Variants in ABHD17B observed in about 807,000 individuals in gnomAD.
ABHD17B encodes the protein abhydrolase domain containing 17B, depalmitoylase.
Under a neutral mutation model 26.2 loss-of-function variants are expected in ABHD17B, and 9 were observed. The observed-to-expected ratio is 0.34, with a 90% CI of 0.21 to 0.60. ABHD17B has a LOEUF of 0.60. ABHD17B is among the 20% of genes least tolerant of loss of function. ABHD17B has a pLI of 0.80. For missense variants in ABHD17B, 224 were observed against 352.1 expected (o/e 0.64, Z 2.91); for synonymous variants, 127 against 122.3 (o/e 1.04, Z -0.25).
intron 1 of ABHD17B, among the ~76,000 whole-genome samples, chr9:71,892,948 T>A (rs1826836527): frequency 6.6e-6 from 1 of 152,196 alleles, no homozygotes; most frequent in South Asian, 2.1e-4. Context: ...CATTTTCTTC[T>A]CCTGCCAGCC....
chr9:71,867,045 A>C (rs1435671431), intron 3 of ABHD17B, 39 bp from the exon 4 acceptor site: 1 of 1,599,362 alleles, frequency 6.3e-7, no homozygotes, highest in Non-Finnish European at 8.5e-7. Flanking sequence ...GCAATAAATT[A>C]ACTATGTAAA....
intron 1 of ABHD17B, among the ~76,000 whole-genome samples, chr9:71,906,227 G>A (rs1827278620): frequency 6.6e-6 from 1 of 152,162 alleles, no homozygotes; most frequent in Non-Finnish European, 1.5e-5. Context: ...TTTTAACATA[G>A]ATGATTTGTT....
At chr9:71,892,997 T>G (rs1826838088) in intron 1 of ABHD17B, among the ~76,000 whole-genome samples, 1 of 152,216 alleles carries the variant, frequency 6.6e-6, no homozygotes, top group African/African-American at 2.4e-5. Flanking sequence ...ATTTGACTAT[T>G]CTAAGTACCT....
In ABHD17B at chr9:71,870,493, T is replaced by C. The variant is rs188117400; in HGVS notation, c.468-231A>G. Among the ~76,000 whole-genome samples, 161 of 152,338 alleles carry C rather than the reference T, an allele frequency of 1.1e-3. 1 individual carries two copies. The highest frequency in any genetic ancestry group is 1.3e-3 in the Non-Finnish European group (91 of 68,030). On this transcript the variant is annotated intron_variant, in intron 2 of 3. Transcript: ENST00000333421. ...TTTTGGAAGAATAATTGCTGAGGTA[T>C]TTTAAGATTTCAATCTTAAGAAATA...
chr9:71,906,333 A>G (rs1267912468), intron 1 of ABHD17B, among the ~76,000 whole-genome samples: 1 of 152,208 alleles, frequency 6.6e-6, no homozygotes, highest in Non-Finnish European at 1.5e-5. Flanking sequence ...ATCATTTTCC[A>G]CTTTTCCACC....
At chr9:71,888,168 C>T (rs1826668824) in intron 1 of ABHD17B, among the ~76,000 whole-genome samples, 1 of 152,166 alleles carries the variant, frequency 6.6e-6, no homozygotes, top group South Asian at 2.1e-4. Flanking sequence ...ACTGATGGAG[C>T]AGTAAAATAG....
chr9:71,904,321 A>T (rs994685830), intron 1 of ABHD17B, among the ~76,000 whole-genome samples: 119 of 152,310 alleles, frequency 7.8e-4, no homozygotes, highest in African/African-American at 2.7e-3. Context: ...ACTGGTACCC[A>T]GTGAACACTG....
At chr9:71,899,859 G>GA (rs5898240) in intron 1 of ABHD17B, among the ~76,000 whole-genome samples, 130,567 of 149,392 alleles carry the variant, frequency 0.87, 57,079 homozygotes, top group East Asian at 0.93. Flanking sequence ...GTCCTTACAG[G>GA]AAAAAAAAAA....
intron 2 of ABHD17B, among the ~76,000 whole-genome samples, 187 bp from the exon 3 acceptor site, chr9:71,870,449 T>C (rs1042320142): frequency 2.0e-5 from 3 of 151,816 alleles, no homozygotes; most frequent in Non-Finnish European, 4.4e-5. Flanking sequence ...GTTTATTTCA[T>C]GTGTTTCTCT....
chr9:71,869,103 A>G (rs1404645815), intron 3 of ABHD17B, among the ~76,000 whole-genome samples: 1 of 152,204 alleles, frequency 6.6e-6, no homozygotes, highest in Admixed American at 6.5e-5. Context: ...ATACATCCCT[A>G]TCATTTTTAC....
chr9:71,874,450 A>G (rs1826201536), intron 2 of ABHD17B, among the ~76,000 whole-genome samples, 164 bp downstream of exon 2: 2 of 152,256 alleles, frequency 1.3e-5, no homozygotes, highest in African/African-American at 4.8e-5. Context: ...ATTATGTGAA[A>G]TTTAAAATTG....
rs551578465 is a variant in ABHD17B at position 71,901,252 on chromosome 9, T to C, written c.-4+9382A>G. Among the ~76,000 whole-genome samples the C allele has an allele frequency of 2.6e-5, 4 of 152,270 alleles. No homozygotes were observed. In the South Asian group the frequency reaches 6.2e-4, roughly 24 times the overall value. ...GTTTTTTTTGTTTGTTTTTTGTTTT[T>C]CTTTTTTCAGAATCAAACCTCTTTA... On this transcript the variant is annotated intron_variant, in intron 1 of 3. Coordinates refer to ENST00000333421, the MANE Select transcript of ABHD17B (RefSeq NM_001025780.3).
At chr9:71,880,764 A>T (rs958296138) in intron 1 of ABHD17B, among the ~76,000 whole-genome samples, 5 of 152,220 alleles carry the variant, frequency 3.3e-5, no homozygotes, top group Middle Eastern at 3.4e-3. Flanking sequence ...ACCTTTATGC[A>T]GAAAAATTTT....
At chr9:71,869,938 T>C (rs1826062806) in intron 3 of ABHD17B, 145 bp downstream of exon 3, 3 of 773,308 alleles carry the variant, frequency 3.9e-6, no homozygotes, top group Non-Finnish European at 5.9e-6. Flanking sequence ...AATACCCTCT[T>C]TACAAATTAA....
chr9:71,868,888 C>T (rs1238305080), intron 3 of ABHD17B, among the ~76,000 whole-genome samples: 3 of 152,062 alleles, frequency 2.0e-5, no homozygotes, highest in South Asian at 2.1e-4. Flanking sequence ...GGGGTTTCAC[C>T]ATGTTGGCCA....
chr9:71,864,994 G>T (rs1370452535), downstream of ABHD17B, among the ~76,000 whole-genome samples: 1 of 152,086 alleles, frequency 6.6e-6, no homozygotes. Flanking sequence ...AAACTGTATA[G>T]GTTACAAGAC....
intron 1 of ABHD17B, among the ~76,000 whole-genome samples, chr9:71,880,964 G>A (rs1826425182): frequency 6.6e-6 from 1 of 151,800 alleles, no homozygotes; most frequent in South Asian, 2.1e-4. Context: ...TAAGAAAAAA[G>A]ACTCCTCCAC....
At chr9:71,878,419 T>A (rs1294093336) in intron 1 of ABHD17B, among the ~76,000 whole-genome samples, 1 of 152,070 alleles carries the variant, frequency 6.6e-6, no homozygotes, top group Non-Finnish European at 1.5e-5. Context: ...ATAAGACTAT[T>A]TAAGAATTTC....
intron 1 of ABHD17B, among the ~76,000 whole-genome samples, chr9:71,880,978 TA>T (rs1357127602): frequency 1.3e-5 from 2 of 151,980 alleles, no homozygotes; most frequent in Non-Finnish European, 2.9e-5. Flanking sequence ...CCTCCACTTA[TA>T]ATCAAGAAAA....
Sources: gnomAD v4.1 joint callset for allele counts (sites outside exome capture counted in the v4.1 genomes callset) on GRCh38, gnomAD v4.1.1 for gene constraint, MANE v1.5 for transcripts, NCBI Gene and HGNC (gene_info 2026-07-23, HGNC 2026-07-21) for gene names.